ASB7: variants seen among roughly 807,000 people sequenced by gnomAD.
ASB7 encodes ankyrin repeat and SOCS box containing 7, also known as ankyrin repeat and SOCS box protein 7.
In ASB7, 4 loss-of-function variants were observed where a neutral mutation model predicts 32.5. The observed-to-expected ratio is 0.12, with a 90% confidence interval of 0.06 to 0.28. The LOEUF is 0.28. Among genes scored for constraint, ASB7 ranks in the 10% least tolerant of loss-of-function variants. The pLI is 1.00. For missense variants in ASB7, 181 were observed against 407.1 expected, an observed-to-expected ratio of 0.44 and a Z score of 4.78; for synonymous variants, 172 against 155.6, an observed-to-expected ratio of 1.11 and a Z score of -0.78.
chr15:100,627,572 C>T (rs1241660898), intron 4 of ASB7, among the ~76,000 whole-genome samples: 5 of 152,094 alleles, frequency 3.3e-5, no homozygotes, highest in African/African-American at 1.2e-4. Flanking sequence ...TCTGTTTTTC[C>T]TTAGCTCAGT....
At position 100,612,228 on chromosome 15, in the gene ASB7, T is replaced by C. The variant is rs2039702720; in HGVS notation, c.12T>C (p.His4=). 2 of 1,613,588 alleles carry C rather than the reference T, an allele frequency of 1.2e-6. No homozygotes were observed. The highest frequency in any genetic ancestry group is 1.7e-6 in the Non-Finnish European group (2 of 1,179,574). Residue 4 remains histidine, a synonymous_variant, in exon 4 of 6, where the codon CAT becomes CAC. Transcript: ENST00000332783. ...TGGACTCAGCTAGGATGTTACACCA[T>C]CATTGTCGAAGGAACCCTGAGCTCC... MLH[H]HCRRNPELQE... is the part of the protein sequence containing the mutation.
At chr15:100,646,379 G>T in intron 5 of ASB7, 1 of 379,566 alleles carries the variant, frequency 2.6e-6, no homozygotes, top group Non-Finnish European at 5.4e-6. Flanking sequence ...CATTCTGGTT[G>T]GGGTGCGGTG....
At chr15:100,628,616 G>T (rs573976989) in intron 4 of ASB7, among the ~76,000 whole-genome samples, 1 of 152,272 alleles carries the variant, frequency 6.6e-6, no homozygotes, top group African/African-American at 2.4e-5. Context: ...ACGCCATCAA[G>T]AACCAACCTT....
At chr15:100,637,918 G>A (rs1454919440) in intron 5 of ASB7, among the ~76,000 whole-genome samples, 1 of 149,932 alleles carries the variant, frequency 6.7e-6, no homozygotes, top group African/African-American at 2.5e-5. Context: ...AAGAGGTGCT[G>A]TTCTCGCAAA....
intron 4 of ASB7, among the ~76,000 whole-genome samples, chr15:100,616,560 A>T (rs1309106844): frequency 6.6e-6 from 1 of 152,234 alleles, no homozygotes; most frequent in East Asian, 1.9e-4. Flanking sequence ...GACAGCCTAA[A>T]TCATGCCTTC....
chr15:100,602,812 A>G lies in ASB7; in HGVS notation c.-507A>G. On this transcript the variant is annotated 5_prime_UTR_variant, in exon 1 of 6. Transcript: ENST00000332783. ...TGGACCGGGACTGCCCCCCCACCCG[A>G]GCCAGGACTTCCTCCCTGCCTCCCT... The G allele has an allele frequency of 2.6e-6, 1 of 386,372 alleles. No individual in the cohort carries two copies. Among genetic ancestry groups the G allele is most frequent in the South Asian group, 1.5e-4 (1 of 6,862 alleles). The allele number at this position is 386,372 out of a possible 1,614,324, so 23.9% of individuals were successfully genotyped here.
chr15:100,604,222 G>A (rs1054978934), intron 2 of ASB7, among the ~76,000 whole-genome samples: 6 of 152,150 alleles, frequency 3.9e-5, no homozygotes, highest in Admixed American at 3.3e-4. Flanking sequence ...TCTAATTCAT[G>A]TGATCACATT....
At chr15:100,621,700 C>T (rs1258389962) in intron 4 of ASB7, among the ~76,000 whole-genome samples, 4 of 151,774 alleles carry the variant, frequency 2.6e-5, no homozygotes, top group Admixed American at 6.6e-5. Context: ...TTCTAGAATC[C>T]AGTAATCCCA....
At chr15:100,640,835 C>A (rs948126669) in intron 5 of ASB7, among the ~76,000 whole-genome samples, 1 of 152,266 alleles carries the variant, frequency 6.6e-6, no homozygotes, top group Admixed American at 6.5e-5. Context: ...TTGTAATTTA[C>A]GCTAGACCCT....
At chr15:100,608,538 C>G (rs2039668003) in intron 2 of ASB7, among the ~76,000 whole-genome samples, 1 of 152,134 alleles carries the variant, frequency 6.6e-6, no homozygotes, top group South Asian at 2.1e-4. Flanking sequence ...TCCTGTGTCC[C>G]TTTGACCTCC....
rs574318448 is a variant in ASB7 at position 100,634,160 on chromosome 15, G to GT, written c.817+4126dup. ...GAAGAATCAGATAGTGAGTTACTGA[G>GT]TTTTTTTTCTTATCTTCTTCCTCAC... is the stretch of plus-strand genomic sequence containing the variant. On this transcript the variant is annotated intron_variant, in intron 5 of 5. Transcript: ENST00000332783. 3.9e-5 allele frequency among the ~76,000 whole-genome samples: 6 copies of GT among 152,224 alleles called. No homozygotes were observed. In the South Asian group the frequency reaches 1.2e-3, roughly 32 times the overall value.
At position 100,612,285 on chromosome 15, in the gene ASB7, T is replaced by C. The variant is rs2039703436; in HGVS notation, c.69T>C (p.Ala23=). ...QEELQIQAAV[A]AGDVHTVRKM... is the part of the protein sequence containing the mutation. ...AGTTGCAGATTCAGGCCGCGGTGGC[T>C]GCTGGGGATGTCCACACAGTGCGAA... Residue 23 remains alanine, a synonymous_variant, in exon 4 of 6, where the codon GCT becomes GCC. Transcript: ENST00000332783. 6.2e-7 allele frequency: 1 copy of C among 1,614,138 alleles called. No homozygotes were observed. Among genetic ancestry groups the C allele is most frequent in the East Asian group, 2.2e-5 (1 of 44,874 alleles).
In ASB7 at chr15:100,612,158, T is replaced by C; in HGVS notation, c.-51-8T>C. On this transcript the variant is annotated splice_polypyrimidine_tract_variant and splice_region_variant and intron_variant, in intron 3 of 5. Coordinates refer to ENST00000332783, the MANE Select transcript of ASB7 (RefSeq NM_198243.3). ...AAATTTTACCTTTTCTACCTTCTCT[T>C]CTTAAAGGCTGATCCCCGTAACCTA... The C allele has an allele frequency of 2.7e-6, 4 of 1,461,414 alleles. No individual in the cohort carries two copies. Among genetic ancestry groups the C allele is most frequent in the Non-Finnish European group, 3.8e-6 (4 of 1,048,204 alleles). 90.5% of individuals were successfully genotyped at this position (1,461,414 alleles called of 1,614,324 possible).
rs1443265346 is a variant in ASB7 at position 100,649,453 on chromosome 15, T to A, written c.*991T>A. ...GGTGGTCGAGTCTTCCCTTAAAAAT[T>A]GTTAAATCATTTGGCTTTAATGGTT... On this transcript the variant is annotated 3_prime_UTR_variant, in exon 6 of 6. Transcript: ENST00000332783. 2.0e-5 allele frequency: 3 copies of A among 152,196 alleles called. No individual in the cohort carries two copies. The highest frequency in any genetic ancestry group is 7.2e-5 in the African/African-American group (3 of 41,460). The allele number at this position is 152,196 out of a possible 1,614,324, so 9.4% of individuals were successfully genotyped here.
At chr15:100,608,340 G>A (rs924858105) in intron 2 of ASB7, among the ~76,000 whole-genome samples, 2 of 152,182 alleles carry the variant, frequency 1.3e-5, no homozygotes, top group Admixed American at 1.3e-4. Flanking sequence ...CCACCTTGAG[G>A]AGAGACTACC....
chr15:100,645,416 T>C (rs563630387), intron 5 of ASB7: 1 of 320,376 alleles, frequency 3.1e-6, no homozygotes, highest in Admixed American at 4.3e-5. Context: ...AAATTATCAT[T>C]CGAGTTCATG....
At chr15:100,603,566 G>A (rs2039594576) in intron 2 of ASB7, among the ~76,000 whole-genome samples, 1 of 151,906 alleles carries the variant, frequency 6.6e-6, no homozygotes, top group East Asian at 1.9e-4. Flanking sequence ...TTATCTTTTG[G>A]TACACTGTGC....
intron 4 of ASB7, among the ~76,000 whole-genome samples, chr15:100,618,728 C>A (rs1018946243): frequency 6.6e-6 from 1 of 151,968 alleles, no homozygotes; most frequent in Non-Finnish European, 1.5e-5. Context: ...ATGTATTCAG[C>A]AAATATTTAT....
At chr15:100,624,830 A>G (rs1341349850) in intron 4 of ASB7, among the ~76,000 whole-genome samples, 2 of 152,170 alleles carry the variant, frequency 1.3e-5, no homozygotes, top group East Asian at 3.8e-4. Context: ...AGAAAACTAT[A>G]AGCCAATATT....
Sources: allele counts gnomAD v4.1 joint callset (sites outside exome capture counted in the v4.1 genomes callset), GRCh38; gene constraint gnomAD v4.1.1; transcripts MANE v1.5; gene names NCBI Gene and HGNC (gene_info 2026-07-23, HGNC 2026-07-21).